Variants in FAM135B observed in about 807,000 individuals in gnomAD.
The protein encoded by FAM135B is protein FAM135B.
In FAM135B, 43 loss-of-function variants were observed where a neutral mutation model predicts 127.7. That is an observed-to-expected ratio of 0.34 (90% CI 0.26 to 0.43). The LOEUF is 0.43. Ranked by LOEUF, FAM135B falls within the 20% of genes least tolerant of loss-of-function variation. The pLI is 1.00. For synonymous variants in FAM135B, 670 were observed against 665.1 expected (o/e 1.01, Z -0.11); for missense variants, 1,558 against 1,725.6 (o/e 0.90, Z 1.72).
In FAM135B at chr8:138,269,441, T is replaced by C. The variant is rs545823482; in HGVS notation, c.158-3599A>G. ...ATGTAGGAGATTCCCAAAGAATCAG[T>C]TCTGTGCCCAAACACCAGAAGACAA... On this transcript the variant is annotated intron_variant, in intron 3 of 19. Transcript: ENST00000395297. Among the ~76,000 whole-genome samples the C allele has an allele frequency of 5.4e-4, 83 of 152,318 alleles. 3 individuals carry two copies. The South Asian group carries it at 0.016, about 30-fold the overall frequency.
At chr8:138,428,447 G>A (rs1835018871) in intron 1 of FAM135B, among the ~76,000 whole-genome samples, 1 of 151,934 alleles carries the variant, frequency 6.6e-6, no homozygotes, top group African/African-American at 2.4e-5. Flanking sequence ...TTTACAGCTG[G>A]GGTACTAAGG....
chr8:138,480,938 G>A (rs1191911362), intron 1 of FAM135B, among the ~76,000 whole-genome samples: 1 of 152,186 alleles, frequency 6.6e-6, no homozygotes, highest in African/African-American at 2.4e-5. Flanking sequence ...GCTTTCATCT[G>A]ATAAAACTGT....
At chr8:138,337,902 A>G (rs1468496469) in intron 2 of FAM135B, among the ~76,000 whole-genome samples, 4 of 152,216 alleles carry the variant, frequency 2.6e-5, no homozygotes, top group Non-Finnish European at 5.9e-5. Context: ...TACTGGTACC[A>G]AAACAGAGAT....
At chr8:138,417,601 T>C (rs914060453) in intron 1 of FAM135B, among the ~76,000 whole-genome samples, 2 of 152,136 alleles carry the variant, frequency 1.3e-5, no homozygotes, top group Non-Finnish European at 2.9e-5. Flanking sequence ...GGGGACACCT[T>C]GGCTCCTCCA....
chr8:138,307,914 C>T (rs1489012868), intron 3 of FAM135B, among the ~76,000 whole-genome samples: 3 of 151,976 alleles, frequency 2.0e-5, no homozygotes, highest in Non-Finnish European at 4.4e-5. Flanking sequence ...TTTCTTTTTT[C>T]CCGTCAGAAA....
intron 1 of FAM135B, among the ~76,000 whole-genome samples, chr8:138,464,304 C>T (rs1161707294): frequency 1.3e-5 from 2 of 152,156 alleles, no homozygotes; most frequent in Non-Finnish European, 2.9e-5. Flanking sequence ...AAATGGACAT[C>T]TCTTTGGTCT....
chr8:138,408,755 G>A (rs892274535), intron 1 of FAM135B, among the ~76,000 whole-genome samples: 1 of 151,930 alleles, frequency 6.6e-6, no homozygotes, highest in Non-Finnish European at 1.5e-5. Context: ...ATCTCATAAG[G>A]ACTCCCTCAC....
intron 9 of FAM135B, among the ~76,000 whole-genome samples, chr8:138,179,247 C>T (rs1448972507): frequency 6.6e-6 from 1 of 152,170 alleles, no homozygotes; most frequent in Non-Finnish European, 1.5e-5. Context: ...CACATTCTCC[C>T]CAAACTCTTC....
At chr8:138,217,558 GTAGC>G (rs1818657043) in intron 7 of FAM135B, among the ~76,000 whole-genome samples, 2 of 151,302 alleles carry the variant, frequency 1.3e-5, no homozygotes, top group South Asian at 4.2e-4. Context: ...AGCCTCCCGA[GTAGC>G]TGGGACTACA....
intron 3 of FAM135B, among the ~76,000 whole-genome samples, chr8:138,301,107 C>T (rs115489152): frequency 0.02 from 3,096 of 151,414 alleles, 117 homozygotes; most frequent in African/African-American, 0.072. Flanking sequence ...AGAAACTGAC[C>T]TTAGCAAATG....
chr8:138,420,850 A>G (rs1275407540), intron 1 of FAM135B, among the ~76,000 whole-genome samples: 2 of 152,212 alleles, frequency 1.3e-5, no homozygotes, highest in East Asian at 3.9e-4. Flanking sequence ...CCTCAAAATA[A>G]CAAGAGATGT....
At chr8:138,428,907 G>C (rs753396842) in intron 1 of FAM135B, among the ~76,000 whole-genome samples, 2 of 152,010 alleles carry the variant, frequency 1.3e-5, no homozygotes, top group Non-Finnish European at 2.9e-5. Flanking sequence ...CCTCTATTTC[G>C]TTCCACAAAC....
intron 19 of FAM135B, among the ~76,000 whole-genome samples, chr8:138,136,044 TG>T (rs1464296341): frequency 1.3e-5 from 2 of 152,104 alleles, no homozygotes; most frequent in Admixed American, 1.3e-4. Flanking sequence ...TATTCTATAA[TG>T]TTTTTAATCA....
At chr8:138,228,510 TAA>T (rs1263563408) in intron 7 of FAM135B, among the ~76,000 whole-genome samples, 1 of 152,128 alleles carries the variant, frequency 6.6e-6, no homozygotes, top group Non-Finnish European at 1.5e-5. Flanking sequence ...ATTCCTATGT[TAA>T]AGAATACAAG....
At chr8:138,382,098 G>A (rs768273335) in intron 1 of FAM135B, among the ~76,000 whole-genome samples, 2 of 152,094 alleles carry the variant, frequency 1.3e-5, no homozygotes, top group African/African-American at 2.4e-5. Context: ...GTGCAGCCAT[G>A]ACTCAGCCCA....
intron 3 of FAM135B, among the ~76,000 whole-genome samples, chr8:138,266,995 T>G (rs1446923032): frequency 6.6e-6 from 1 of 152,070 alleles, no homozygotes; most frequent in Admixed American, 6.6e-5. Flanking sequence ...TAAGGTAAAT[T>G]TTACACCAGA....
chr8:138,363,467 G>A (rs1306357744), intron 2 of FAM135B, among the ~76,000 whole-genome samples: 1 of 152,134 alleles, frequency 6.6e-6, no homozygotes, highest in Non-Finnish European at 1.5e-5. Context: ...CAGGTCCTCA[G>A]TACTTCCCTG....
chr8:138,321,095 T>G (rs1394381461), intron 2 of FAM135B, among the ~76,000 whole-genome samples: 1 of 152,152 alleles, frequency 6.6e-6, no homozygotes, highest in Non-Finnish European at 1.5e-5. Flanking sequence ...GTTGGAAAAC[T>G]TAACGCTAGT....
intron 9 of FAM135B, among the ~76,000 whole-genome samples, chr8:138,192,018 G>A (rs938211893): frequency 9.2e-5 from 14 of 152,188 alleles, no homozygotes; most frequent in African/African-American, 1.9e-4. Context: ...TCTGCTTGCC[G>A]GCACTGTGGC....
Sources: allele counts gnomAD v4.1 joint callset (sites outside exome capture counted in the v4.1 genomes callset), GRCh38; gene constraint gnomAD v4.1.1; transcripts MANE v1.5; gene names NCBI Gene and HGNC (gene_info 2026-07-23, HGNC 2026-07-21).